Variants in SLC14A2 observed in about 807,000 individuals in gnomAD.
The protein encoded by SLC14A2 is solute carrier family 14 member 2.
In SLC14A2, 91 loss-of-function variants were observed where a neutral mutation model predicts 104.6. The ratio of observed to expected loss-of-function variants is 0.87; its 90% CI spans 0.73 to 1.04. The LOEUF is 1.04. SLC14A2 is among the 50% of genes least tolerant of loss of function. The probability of loss-of-function intolerance (pLI) is 0.00; values close to 1 mark genes in which losing one functional copy is unlikely to be tolerated. For synonymous variants in SLC14A2, 476 were observed against 466.4 expected, an observed-to-expected ratio of 1.02 and a Z score of -0.27; for missense variants, 1,189 against 1,156.0, an observed-to-expected ratio of 1.03 and a Z score of -0.41.
intron 1 of SLC14A2, among the ~76,000 whole-genome samples, chr18:45,281,721 A>C (rs997991452): frequency 6.6e-6 from 1 of 152,198 alleles, no homozygotes; most frequent in Non-Finnish European, 1.5e-5. Flanking sequence ...ATGGCTAAGG[A>C]GGGTGAAGTC....
intron 1 of SLC14A2, among the ~76,000 whole-genome samples, chr18:45,323,989 G>C (rs1040121279): frequency 1.3e-5 from 2 of 152,188 alleles, no homozygotes; most frequent in African/African-American, 4.8e-5. Flanking sequence ...TGGCCATAGG[G>C]AAGGAAGGCA....
chr18:45,541,975 TC>T (rs2043890074), intron 2 of SLC14A2, among the ~76,000 whole-genome samples: 1 of 149,462 alleles, frequency 6.7e-6, no homozygotes, highest in Admixed American at 6.7e-5. Context: ...CAGGCTAACT[TC>T]TTTGACAGCC....
chr18:45,673,751 T>C lies in SLC14A2; in HGVS notation c.2446T>C (p.Cys816Arg), dbSNP rs2046179837. Reference sequence around the variant, plus strand: ...GTGTGGCTTCAACAGCACCCTCGCATGCATAGCGATAGGAGGCATGTTCTA... The same window carrying C: ...GTGTGGCTTCAACAGCACCCTCGCACGCATAGCGATAGGAGGCATGTTCTA... ...GLCGFNSTLACIAIGGMFYVI... is the reference protein window; with the variant it reads ...GLCGFNSTLARIAIGGMFYVI... The change falls in exon 18 of 20, where the codon TGC becomes CGC. Residue 816 changes from cysteine (C) to arginine (R), a missense_variant. Transcript: ENST00000255226. 1.2e-6 allele frequency: 2 copies of C among 1,614,210 alleles called. No individual in the cohort carries two copies. The highest frequency in any genetic ancestry group is 1.7e-6 in the Non-Finnish European group (2 of 1,180,026).
At position 45,460,428 on chromosome 18, in the gene SLC14A2, A is replaced by G. The variant is rs117883752; in HGVS notation, c.-124-22805A>G. Among the ~76,000 whole-genome samples the G allele has an allele frequency of 7.4e-3, 1,126 of 152,288 alleles. 6 individuals are homozygous for G. Among genetic ancestry groups the G allele is most frequent in the Non-Finnish European group, 0.013 (882 of 68,012 alleles). On this transcript the variant is annotated intron_variant, in intron 1 of 20. Coordinates refer to the SLC14A2 transcript ENST00000586448. Reference sequence around the variant, plus strand: ...CCACCTTGCAGAAGGGTTAGCCCAGAATTTGAGATTCAAGGGACCTTCCTG... The same window carrying G: ...CCACCTTGCAGAAGGGTTAGCCCAGGATTTGAGATTCAAGGGACCTTCCTG...
intron 1 of SLC14A2, among the ~76,000 whole-genome samples, chr18:45,356,500 A>G (rs764363691): frequency 6.6e-6 from 1 of 152,242 alleles, no homozygotes; most frequent in Non-Finnish European, 1.5e-5. Context: ...ATCAGCACAG[A>G]CAGTGACAAA....
intron 1 of SLC14A2, among the ~76,000 whole-genome samples, chr18:45,420,630 T>G (rs1398285731): frequency 1.3e-5 from 2 of 152,224 alleles, no homozygotes; most frequent in Admixed American, 1.3e-4. Flanking sequence ...TAATCTGGAA[T>G]AATGGTTGAT....
At chr18:45,471,324 T>A (rs2087244538) in intron 1 of SLC14A2, among the ~76,000 whole-genome samples, 1 of 152,194 alleles carries the variant, frequency 6.6e-6, no homozygotes, top group Non-Finnish European at 1.5e-5. Context: ...TTTGTTTCGC[T>A]TTTTGTTTGT....
chr18:45,321,344 T>C (rs1025709621), intron 1 of SLC14A2, among the ~76,000 whole-genome samples: 2 of 152,224 alleles, frequency 1.3e-5, no homozygotes, highest in African/African-American at 2.4e-5. Flanking sequence ...ATTTTATGAA[T>C]ATATCATTAC....
intron 1 of SLC14A2, among the ~76,000 whole-genome samples, chr18:45,336,109 G>A (rs564793533): frequency 1.3e-5 from 2 of 152,250 alleles, no homozygotes; most frequent in Admixed American, 6.5e-5. Context: ...AGGAGCAAGT[G>A]CCTGCCAGCT....
chr18:45,282,663 G>C (rs1286131458), intron 1 of SLC14A2, among the ~76,000 whole-genome samples: 1 of 152,174 alleles, frequency 6.6e-6, no homozygotes, highest in African/African-American at 2.4e-5. Flanking sequence ...CTCGCTGTGT[G>C]AGGCTGGACA....
intron 2 of SLC14A2, among the ~76,000 whole-genome samples, chr18:45,487,895 GCTTT>G (rs2087640198): frequency 1.3e-5 from 2 of 152,194 alleles, no homozygotes; most frequent in Non-Finnish European, 2.9e-5. Context: ...AACTAAGTCA[GCTTT>G]CTTCTCCGAG....
At chr18:45,201,193 T>C in the SLC14A2 span, among the ~76,000 whole-genome samples, 1 of 152,108 alleles carries the variant, frequency 6.6e-6, no homozygotes, top group Non-Finnish European at 1.5e-5. Flanking sequence ...AAAAAGGTGA[T>C]ATCATTTGTG....
chr18:45,362,327 T>C (rs950679138), intron 1 of SLC14A2, among the ~76,000 whole-genome samples: 1 of 151,844 alleles, frequency 6.6e-6, no homozygotes, highest in African/African-American at 2.4e-5. Context: ...AACTGGGGAG[T>C]AGAATTTGAG....
Position 45,641,264 on chromosome 18 carries a change from C to T in SLC14A2, c.1047C>T (p.Asn349=). 1 of 1,614,214 alleles carries T rather than the reference C, an allele frequency of 6.2e-7. No homozygotes were observed. Among genetic ancestry groups the T allele is most frequent in the Non-Finnish European group, 8.5e-7 (1 of 1,180,024 alleles). The change falls in exon 8 of 20, where the codon AAC becomes AAT. Residue 349 remains asparagine, a synonymous_variant. Coordinates refer to ENST00000255226, the MANE Select transcript of SLC14A2 (RefSeq NM_007163.4). ...ETIYTGLWSY[N]CVLSCIAIGG... ...TCTACACAGGCCTCTGGAGCTACAA[C>T]TGCGTCCTCTCCTGCATCGCCATCG...
At position 45,353,309 on chromosome 18, in the gene SLC14A2, G is replaced by T. The variant is rs753136270; in HGVS notation, c.-124-129924G>T. Among the ~76,000 whole-genome samples the T allele has an allele frequency of 1.8e-4, 27 of 152,276 alleles. 1 individual carries two copies. Among genetic ancestry groups the T allele is most frequent in the Middle Eastern group, 3.4e-3 (1 of 294 alleles). On this transcript the variant is annotated intron_variant, in intron 1 of 20. Coordinates refer to the SLC14A2 transcript ENST00000586448. Reference sequence around the variant, plus strand: ...ACAATTATACATATCCACAGTGGTGGAAGACAGTTGAATTAGGTTCATAAT... The same window carrying T: ...ACAATTATACATATCCACAGTGGTGTAAGACAGTTGAATTAGGTTCATAAT...
chr18:45,429,153 A>T (rs1056964727), intron 1 of SLC14A2, among the ~76,000 whole-genome samples: 1 of 152,252 alleles, frequency 6.6e-6, no homozygotes, highest in African/African-American at 2.4e-5. Context: ...TTCCATATTT[A>T]TTGGCATAAA....
chr18:45,244,269 TATTTG>T (rs1430401079), intron 1 of SLC14A2, among the ~76,000 whole-genome samples: 1 of 152,200 alleles, frequency 6.6e-6, no homozygotes, highest in Non-Finnish European at 1.5e-5. Context: ...GTCACTATTT[TATTTG>T]TTCAGTTTTA....
chr18:45,570,130 G>A (rs1327896411), intron 2 of SLC14A2, among the ~76,000 whole-genome samples: 1 of 152,180 alleles, frequency 6.6e-6, no homozygotes, highest in Admixed American at 6.5e-5. Context: ...ATGTGGGCTC[G>A]TATGTGGTCA....
chr18:45,423,700 A>G (rs1260658819), intron 1 of SLC14A2: 1 of 152,246 alleles, frequency 6.6e-6, no homozygotes, highest in African/African-American at 2.4e-5. Context: ...TTTGTTAAAT[A>G]CATCATAAAT....
Sources: allele counts gnomAD v4.1 joint callset (sites outside exome capture counted in the v4.1 genomes callset), GRCh38; gene constraint gnomAD v4.1.1; transcripts MANE v1.5; gene names NCBI Gene and HGNC (gene_info 2026-07-23, HGNC 2026-07-21).